NTN4: variants seen among roughly 807,000 people sequenced by gnomAD.
NTN4 encodes the protein netrin 4, also known as netrin-4.
NTN4 carries 32 observed loss-of-function variants against 73.6 expected under a neutral mutation model. That is an observed-to-expected ratio of 0.44 (90% CI 0.33 to 0.58). NTN4 has a LOEUF of 0.58. Ranked by LOEUF, NTN4 falls within the 20% of genes least tolerant of loss-of-function variation. NTN4 has a pLI of 0.04. For synonymous variants in NTN4, 258 were observed against 287.5 expected, an observed-to-expected ratio of 0.90 and a Z score of 1.04; for missense variants, 654 against 798.3, an observed-to-expected ratio of 0.82 and a Z score of 2.18.
intron 5 of NTN4, among the ~76,000 whole-genome samples, chr12:95,709,084 G>T (rs937728882): frequency 1.3e-5 from 2 of 152,164 alleles, no homozygotes; most frequent in African/African-American, 4.8e-5. Flanking sequence ...TAACAAGCAA[G>T]CCTGTTCAAA....
chr12:95,727,415 CA>C (rs1565898345), intron 3 of NTN4, among the ~76,000 whole-genome samples: 6 of 152,034 alleles, frequency 3.9e-5, no homozygotes, highest in African/African-American at 1.4e-4. Flanking sequence ...CTTTGATGCA[CA>C]AAAGTTTTTC....
intron 2 of NTN4, among the ~76,000 whole-genome samples, chr12:95,765,865 C>G (rs906374663): frequency 2.0e-5 from 3 of 152,080 alleles, no homozygotes; most frequent in Non-Finnish European, 4.4e-5. Flanking sequence ...ACAGAGATAG[C>G]CTTTTAGGGT....
intron 9 of NTN4, among the ~76,000 whole-genome samples, chr12:95,662,011 T>G (rs2078141489): frequency 6.6e-6 from 1 of 152,106 alleles, no homozygotes; most frequent in African/African-American, 2.4e-5. Flanking sequence ...AAGGTAAAGC[T>G]TATTAACAGA....
chr12:95,716,144 T>C (rs1034435306), intron 3 of NTN4, among the ~76,000 whole-genome samples: 5 of 151,108 alleles, frequency 3.3e-5, no homozygotes, highest in African/African-American at 4.9e-5. Flanking sequence ...AATAATCTGA[T>C]AGAATTGGAG....
rs200598467 is a variant in NTN4, at chr12:95,681,198, A to AG, written c.1510+1508_1510+1509insC. On this transcript the variant is annotated intron_variant, in intron 7 of 9. Transcript: ENST00000343702. Reference sequence around the variant, plus strand: ...AGTGAGACTTTGTCTCAAAAAAAAAAAAAAAAAAAAAGAGTAGATATCATG... The same window carrying AG: ...AGTGAGACTTTGTCTCAAAAAAAAAAGAAAAAAAAAAAGAGTAGATATCATG... Among the ~76,000 whole-genome samples the AG allele has an allele frequency of 3.2e-3, 473 of 146,250 alleles. 2 individuals carry two copies. The highest frequency in any genetic ancestry group is 0.011 in the African/African-American group (453 of 39,560).
intron 3 of NTN4, among the ~76,000 whole-genome samples, chr12:95,736,572 T>C (rs1026957238): frequency 3.3e-5 from 5 of 152,220 alleles, no homozygotes; most frequent in African/African-American, 1.2e-4. Context: ...ATATTTGTTA[T>C]TTTCTGATTG....
chr12:95,678,810 C>G (rs529689767), intron 7 of NTN4, among the ~76,000 whole-genome samples: 1 of 152,098 alleles, frequency 6.6e-6, no homozygotes, highest in East Asian at 1.9e-4. Context: ...CATTTATATC[C>G]TTTATATCAA....
Position 95,682,772 on chromosome 12 carries a change from T to C in NTN4, c.1445A>G (p.His482Arg), listed in dbSNP as rs2078328896. ...CTCCCAGGCTGGTTCGCTCTTATTG[T>C]GCACGGGACGGAAGTCAGGAACTTC... The part of the protein sequence containing the change: ...YHEVPDFRPV[H>R]NKSEPAWEWE... The change falls in exon 7 of 10, where the codon CAC (histidine) becomes CGC (arginine). Residue 482 changes from histidine to arginine, a missense_variant. Physicochemically the swap from His to Arg is conservative, Grantham distance 29. Coordinates refer to ENST00000343702, the MANE Select transcript of NTN4 (RefSeq NM_021229.4). 2 of 1,613,954 alleles carry C rather than the reference T, an allele frequency of 1.2e-6. No individual in the cohort carries two copies. The highest frequency in any genetic ancestry group is 1.7e-6 in the Non-Finnish European group (2 of 1,179,894).
chr12:95,660,313 C>T (rs528877098), intron 9 of NTN4, among the ~76,000 whole-genome samples: 4 of 152,126 alleles, frequency 2.6e-5, no homozygotes, highest in South Asian at 2.1e-4. Flanking sequence ...CTGTGCCCAG[C>T]CTAAGGAGGA....
intron 4 of NTN4, among the ~76,000 whole-genome samples, chr12:95,712,341 AG>A (rs2078570501): frequency 1.3e-5 from 2 of 152,162 alleles, no homozygotes; most frequent in Non-Finnish European, 1.5e-5. Context: ...TGAAAAAAAA[AG>A]GCAATGTGGT....
In NTN4 at chr12:95,709,540, C is replaced by CTTTT. The variant is rs63616060; in HGVS notation, c.1180+897_1180+900dup. 8.0e-5 allele frequency among the ~76,000 whole-genome samples: 11 copies of CTTTT among 137,122 alleles called. No individual in the cohort carries two copies. The East Asian group carries it at 1.7e-3, about 21-fold the overall frequency. The allele number at this position is 137,122 out of a possible 152,430, so 90.0% of individuals were successfully genotyped here. On this transcript the variant is annotated intron_variant, in intron 5 of 9. Coordinates refer to ENST00000343702, the MANE Select transcript of NTN4 (RefSeq NM_021229.4). ...TTCCTTTCTCTCTCTCTCTCTCTCT[C>CTTTT]TTTTTTTTTTTTTGGAAAGGTTTGG...
intron 9 of NTN4, among the ~76,000 whole-genome samples, chr12:95,664,572 T>G (rs1219590698): frequency 7.5e-6 from 1 of 134,026 alleles, no homozygotes; most frequent in African/African-American, 2.9e-5. Context: ...TCTCTCTCAG[T>G]TATCTGCTTC....
intron 9 of NTN4, among the ~76,000 whole-genome samples, chr12:95,664,317 T>TA (rs2078162388): frequency 6.6e-6 from 1 of 152,144 alleles, no homozygotes. Flanking sequence ...CTTGGCCTCC[T>TA]AAAGTACTGA....
chr12:95,683,453 A>T, intron 6 of NTN4, 45 bp downstream of exon 6: 1 of 1,554,290 alleles, frequency 6.4e-7, no homozygotes, highest in South Asian at 1.1e-5. Context: ...TTTTCAAAAG[A>T]GCCTGAAATA....
intron 5 of NTN4, among the ~76,000 whole-genome samples, chr12:95,692,075 G>A (rs964158951): frequency 6.6e-5 from 10 of 152,002 alleles, no homozygotes; most frequent in Non-Finnish European, 1.3e-4. Context: ...CGCTCTTGTC[G>A]CCCAGGTTGG....
chr12:95,749,949 C>A (rs2078892223), intron 2 of NTN4, among the ~76,000 whole-genome samples: 1 of 141,854 alleles, frequency 7.0e-6, no homozygotes, highest in South Asian at 2.3e-4. Flanking sequence ...GGGCAAGTAC[C>A]CCTCAACCCC....
intron 5 of NTN4, among the ~76,000 whole-genome samples, chr12:95,697,142 T>C (rs1478177022): frequency 6.6e-6 from 1 of 150,652 alleles, no homozygotes; most frequent in African/African-American, 2.4e-5. Context: ...GCCATTGCAC[T>C]CCATTCAGCC....
chr12:95,701,220 T>C (rs2078482598), intron 5 of NTN4, among the ~76,000 whole-genome samples: 1 of 152,222 alleles, frequency 6.6e-6, no homozygotes, highest in African/African-American at 2.4e-5. Flanking sequence ...TAAAAGAGAC[T>C]ATCCACTTTT....
At chr12:95,756,357 A>G (rs763458687) in intron 2 of NTN4, among the ~76,000 whole-genome samples, 4 of 152,208 alleles carry the variant, frequency 2.6e-5, no homozygotes, top group Non-Finnish European at 4.4e-5. Context: ...GCAAAGATGT[A>G]GTGAACGTTT....
Sources: gnomAD v4.1 joint callset for allele counts (sites outside exome capture counted in the v4.1 genomes callset) on GRCh38, gnomAD v4.1.1 for gene constraint, MANE v1.5 for transcripts, NCBI Gene and HGNC (gene_info 2026-07-23, HGNC 2026-07-21) for gene names.